SIPA1L3: variants seen among roughly 807,000 people sequenced by gnomAD.
SIPA1L3 encodes signal induced proliferation associated 1 like 3, also known as signal-induced proliferation-associated 1-like protein 3.
A neutral mutation model predicts 150.1 loss-of-function variants in SIPA1L3; 59 were observed. The ratio of observed to expected loss-of-function variants is 0.39; its 90% CI spans 0.32 to 0.49. The LOEUF (loss-of-function observed/expected upper bound fraction) is 0.49. SIPA1L3 is among the 20% of genes least tolerant of loss of function. SIPA1L3 has a pLI of 0.86. For synonymous variants in SIPA1L3, 1,070 were observed against 1,077.6 expected (o/e 0.99, Z 0.14); for missense variants, 2,211 against 2,489.5 (o/e 0.89, Z 2.38).
chr19:38,000,922 A>T (rs905687103), intron 1 of SIPA1L3, among the ~76,000 whole-genome samples: 6 of 105,928 alleles, frequency 5.7e-5, no homozygotes, highest in African/African-American at 2.2e-4. Context: ...CATATATATA[A>T]CATATATATA....
Position 38,164,514 on chromosome 19 carries a change from C to T in SIPA1L3, c.3816C>T (p.Asn1272=), listed in dbSNP as rs770529276. 5 of 1,613,328 alleles carry T rather than the reference C, an allele frequency of 3.1e-6. No individual in the cohort carries two copies. The highest frequency in any genetic ancestry group is 1.1e-5 in the South Asian group (1 of 91,024). The part of the protein sequence containing the change: ...EPQYSSHSSS[N]TLSSNASSSH... ...AATACTCAAGTCATTCCAGCAGCAACACCCTCTCCAGCAACGCATCCAGCA... is the reference window on the plus strand; with the variant it reads ...AATACTCAAGTCATTCCAGCAGCAATACCCTCTCCAGCAACGCATCCAGCA... Residue 1272 remains asparagine, a synonymous_variant, in exon 15 of 22, where the codon AAC becomes AAT. Transcript: ENST00000222345. The surrounding 1 kb of genome is among the most constrained non-coding windows in gnomAD (Gnocchi z 4.1).
At position 38,193,737 on chromosome 19, in the gene SIPA1L3, C is replaced by T. The variant is rs12460534; in HGVS notation, c.4797C>T (p.Pro1599=). ...AGCACCCCCACCCGCCCGTCGGCCC[C>T]GGTGCCACCCCTGCCGCCGGCAGCG... ...QHQHPHPPVG[P]GATPAAGSGF... The change falls in exon 18 of 22, where the codon CCC becomes CCT. Residue 1599 remains proline (P), a synonymous_variant. Coordinates refer to ENST00000222345, the MANE Select transcript of SIPA1L3 (RefSeq NM_015073.3). 2.9e-3 allele frequency: 4,603 copies of T among 1,570,952 alleles called. 163 individuals are homozygous for T. In the Admixed American group the frequency reaches 0.054, roughly 19 times the overall value.
chr19:38,035,741 TGGTGGTGGC>T (rs749457494), intron 2 of SIPA1L3, among the ~76,000 whole-genome samples: 1 of 151,578 alleles, frequency 6.6e-6, no homozygotes. Flanking sequence ...GATGAGATGA[TGGTGGTGGC>T]GGTGGTGGAG....
intron 1 of SIPA1L3, among the ~76,000 whole-genome samples, chr19:37,943,407 C>T (rs1175768535): frequency 6.6e-6 from 1 of 152,176 alleles, no homozygotes; most frequent in Non-Finnish European, 1.5e-5. Context: ...TTGACACAGC[C>T]TGTGTCCAGG....
chr19:38,140,177 G>C (rs896907789), intron 10 of SIPA1L3, among the ~76,000 whole-genome samples: 1 of 152,234 alleles, frequency 6.6e-6, no homozygotes, highest in African/African-American at 2.4e-5. Flanking sequence ...CTTCCAGGCT[G>C]AAGGCTCCTC....
chr19:38,179,105 G>A (rs894390762), intron 15 of SIPA1L3, among the ~76,000 whole-genome samples: 8 of 152,098 alleles, frequency 5.3e-5, no homozygotes, highest in African/African-American at 1.7e-4. Flanking sequence ...TATCTTTCTT[G>A]CTCCTCTGTT....
chr19:37,951,181 C>T lies in SIPA1L3; in HGVS notation c.-379+43823C>T, dbSNP rs200337057. Among the ~76,000 whole-genome samples the T allele has an allele frequency of 3.9e-5, 6 of 152,346 alleles. No individual in the cohort carries two copies. In the East Asian group the frequency reaches 9.6e-4, roughly 24 times the overall value. ...GTGTCTGTCCGTTAGATCACAGTAC[C>T]GTAAGGCTGTCACTTTCTGATTTTT... On this transcript the variant is annotated intron_variant, in intron 1 of 21. Transcript: ENST00000222345.
rs762799343 is a variant in SIPA1L3 at position 38,082,711 on chromosome 19, C to G, written c.1146C>G (p.Ala382=). 1 of 1,611,268 alleles carries G rather than the reference C, an allele frequency of 6.2e-7. No homozygotes were observed. The highest frequency in any genetic ancestry group is 1.1e-5 in the South Asian group (1 of 91,048). The part of the protein sequence containing the change: ...ASAASAASAM[A]SLTASRAHSL... ...CCGCTTCCGCCGCCTCGGCCATGGCCTCCCTCACGGCCTCGCGGGCCCACA... is the reference window on the plus strand; with the variant it reads ...CCGCTTCCGCCGCCTCGGCCATGGCGTCCCTCACGGCCTCGCGGGCCCACA... Residue 382 remains alanine (A), a synonymous_variant, in exon 3 of 22, where the codon GCC becomes GCG. Coordinates refer to ENST00000222345, the MANE Select transcript of SIPA1L3 (RefSeq NM_015073.3).
intron 1 of SIPA1L3, chr19:37,964,534 A>G (rs922241013): frequency 6.5e-6 from 1 of 154,650 alleles, no homozygotes; most frequent in Non-Finnish European, 1.4e-5. Flanking sequence ...TCACTCTGTC[A>G]TCCAGGCTGG....
chr19:38,085,479 C>CAAAAAA (rs1169340957), intron 3 of SIPA1L3, among the ~76,000 whole-genome samples: 1 of 66,146 alleles, frequency 1.5e-5, no homozygotes, highest in Non-Finnish European at 3.6e-5. Flanking sequence ...GACTCCGTCT[C>CAAAAAA]AAAAAAAAAA....
chr19:38,192,937 C>G (rs1266719255), intron 17 of SIPA1L3, among the ~76,000 whole-genome samples: 1 of 152,260 alleles, frequency 6.6e-6, no homozygotes, highest in African/African-American at 2.4e-5. Context: ...CAGCTTGGCT[C>G]ACACCACCTT....
chr19:38,093,378 C>T (rs1970304586), intron 4 of SIPA1L3, among the ~76,000 whole-genome samples: 1 of 152,142 alleles, frequency 6.6e-6, no homozygotes, highest in African/African-American at 2.4e-5. Flanking sequence ...AGTTCTAGAA[C>T]CTTGGGCACA....
At chr19:38,121,600 A>C (rs1275661043) in intron 9 of SIPA1L3, among the ~76,000 whole-genome samples, 1 of 151,584 alleles carries the variant, frequency 6.6e-6, no homozygotes, top group Non-Finnish European at 1.5e-5. Context: ...TTAGCCAGGC[A>C]TGGTGGCGGG....
intron 2 of SIPA1L3, among the ~76,000 whole-genome samples, chr19:38,060,237 C>G (rs1228692825): frequency 6.6e-6 from 1 of 152,170 alleles, no homozygotes; most frequent in East Asian, 1.9e-4. Context: ...ATATGTTGTT[C>G]TGTCTGGCTT....
chr19:37,984,297 G>C (rs974933129), intron 1 of SIPA1L3, among the ~76,000 whole-genome samples: 3 of 152,150 alleles, frequency 2.0e-5, no homozygotes, highest in African/African-American at 7.2e-5. Flanking sequence ...ATACATAGAA[G>C]TAACAAAACG....
rs1973207981 is a variant in SIPA1L3 at position 38,206,220 on chromosome 19, A to C, written c.5326A>C (p.Arg1776=). The part of the protein sequence containing the change: ...QLRKFAEIFC[R]EKKEL Reference sequence around the variant, plus strand: ...GCGCAAGTTTGCGGAGATCTTCTGCAGGGAGAAGAAGGAGCTCTGAGGTGG... The same window carrying C: ...GCGCAAGTTTGCGGAGATCTTCTGCCGGGAGAAGAAGGAGCTCTGAGGTGG... Residue 1776 remains arginine, a synonymous_variant, in exon 22 of 22, where the codon AGG becomes CGG. Coordinates refer to ENST00000222345, the MANE Select transcript of SIPA1L3 (RefSeq NM_015073.3). The C allele has an allele frequency of 4.5e-6, 7 of 1,560,068 alleles. No homozygotes were observed. Among genetic ancestry groups the C allele is most frequent in the Middle Eastern group, 1.7e-4 (1 of 5,988 alleles).
intron 15 of SIPA1L3, among the ~76,000 whole-genome samples, chr19:38,170,715 A>T (rs1972309176): frequency 6.6e-6 from 1 of 152,092 alleles, no homozygotes; most frequent in Admixed American, 6.6e-5. Flanking sequence ...GTGCCAGGGG[A>T]CAGCCTGCAG....
At chr19:37,913,704 CTT>C (rs1333992240) in intron 1 of SIPA1L3, among the ~76,000 whole-genome samples, 7 of 131,814 alleles carry the variant, frequency 5.3e-5, no homozygotes, top group Admixed American at 7.5e-5. Context: ...CCTTTTCTTT[CTT>C]TTTTTTTTTT....
chr19:37,927,260 T>C (rs1335354342), intron 1 of SIPA1L3, among the ~76,000 whole-genome samples: 1 of 149,798 alleles, frequency 6.7e-6, no homozygotes, highest in Admixed American at 6.8e-5. Context: ...TCTCCCTACC[T>C]CAGCCTCCCG....
Sources: allele counts gnomAD v4.1 joint callset (sites outside exome capture counted in the v4.1 genomes callset), GRCh38; gene constraint gnomAD v4.1.1; non-coding constraint Gnocchi (gnomAD v3.1); transcripts MANE v1.5; gene names NCBI Gene and HGNC (gene_info 2026-07-23, HGNC 2026-07-21).